UBE3B: variants seen among roughly 807,000 people sequenced by gnomAD.
UBE3B encodes the protein ubiquitin-protein ligase E3B.
A neutral mutation model predicts 132.3 loss-of-function variants in UBE3B; 80 were observed. That is an observed-to-expected ratio of 0.60 (90% CI 0.50 to 0.73). The LOEUF is 0.73. UBE3B is among the 30% of genes least tolerant of loss of function. The probability of loss-of-function intolerance (pLI) is 0.00; values close to 1 mark genes in which losing one functional copy is unlikely to be tolerated. For synonymous variants in UBE3B, 487 were observed against 520.4 expected, an observed-to-expected ratio of 0.94 and a Z score of 0.87; for missense variants, 1,196 against 1,362.5, an observed-to-expected ratio of 0.88 and a Z score of 1.92.
Position 109,486,425 on chromosome 12 carries a change from T to A in UBE3B, c.343-46T>A, listed in dbSNP as rs770015961. 3 of 1,462,270 alleles carry A rather than the reference T, an allele frequency of 2.1e-6. No homozygotes were observed. The East Asian group carries it at 6.8e-5, about 33-fold the overall frequency. The allele number at this position is 1,462,270 out of a possible 1,614,324, so 90.6% of individuals were successfully genotyped here. On this transcript the variant is annotated intron_variant, in intron 5 of 27. Transcript: ENST00000342494. ...TCCAACAGTTAGAGCACAAGTGATA[T>A]GATCTCTATAACAGCCCATGACATT... is the stretch of plus-strand genomic sequence containing the variant.
chr12:109,504,821 T>C (rs946757582), intron 14 of UBE3B, among the ~76,000 whole-genome samples: 4 of 147,952 alleles, frequency 2.7e-5, no homozygotes, highest in South Asian at 2.1e-4. Context: ...TTTTTTTTTT[T>C]CGAGACGGAG....
chr12:109,509,599 C>A lies in UBE3B; in HGVS notation c.1626C>A (p.Ile542=). 1 of 1,591,680 alleles carries A rather than the reference C, an allele frequency of 6.3e-7. No homozygotes were observed. The highest frequency in any genetic ancestry group is 1.2e-5 in the South Asian group (1 of 86,486). The change falls in exon 16 of 28, where the codon ATC becomes ATA. Residue 542 remains isoleucine, a synonymous_variant. Coordinates refer to ENST00000342494, the MANE Select transcript of UBE3B (RefSeq NM_130466.4). ...FCDCSRHLIT[I]LDDIEVYEEQ... The stretch of plus-strand genomic sequence containing the variant: ...GGTAATTTTCTCTCTGATTTAGAAT[C>A]CTTGATGACATTGAAGTTTATGAAG...
Position 109,521,587 on chromosome 12 carries a change from A to G in UBE3B, c.2364+36A>G, listed in dbSNP as rs1937957273. 2 of 1,508,988 alleles carry G rather than the reference A, an allele frequency of 1.3e-6. No individual in the cohort carries two copies. The highest frequency in any genetic ancestry group is 2.8e-5 in the African/African-American group (2 of 71,762). 93.5% of individuals were successfully genotyped at this position (1,508,988 alleles called of 1,614,324 possible). A position where few individuals can be genotyped will look rare whatever the true frequency, so the allele number is the denominator to read the frequency against. On this transcript the variant is annotated intron_variant, in intron 21 of 27. Coordinates refer to ENST00000342494, the MANE Select transcript of UBE3B (RefSeq NM_130466.4). This position sits in a 1 kb window ranked among gnomAD's most constrained non-coding sequence, Gnocchi z 4.2. ...TAAGAAACAGAGAAATGTAAAATAA[A>G]ATGTTAACGGTACCATGGGCTTCTT...
At position 109,485,921 on chromosome 12, in the gene UBE3B, C is replaced by T. The variant is rs767705265; in HGVS notation, c.283-91C>T. 8.4e-5 allele frequency: 117 copies of T among 1,391,066 alleles called. 1 individual carries two copies. In the South Asian group the frequency reaches 1.1e-3, roughly 13 times the overall value. 86.2% of individuals were successfully genotyped at this position (1,391,066 alleles called of 1,614,324 possible). ...TGAATCACCTGGCATAATACCTGCACGTGCCAGGTACCCGCTGAAGGCTTG... is the reference window on the plus strand; with the variant it reads ...TGAATCACCTGGCATAATACCTGCATGTGCCAGGTACCCGCTGAAGGCTTG... On this transcript the variant is annotated intron_variant, in intron 4 of 27. Coordinates refer to ENST00000342494, the MANE Select transcript of UBE3B (RefSeq NM_130466.4).
At position 109,516,792 on chromosome 12, in the gene UBE3B, A is replaced by C; in HGVS notation, c.1984A>C (p.Thr662Pro). The C allele has an allele frequency of 1.2e-6, 2 of 1,614,062 alleles. No homozygotes were observed. Among genetic ancestry groups the C allele is most frequent in the South Asian group, 2.2e-5 (2 of 91,080 alleles). ...NRVLLFRTMV[T>P]KEKEKLGLVE... The stretch of plus-strand genomic sequence containing the variant: ...AGTTCTACTGTTTCGAACCATGGTT[A>C]CCAAGGAGAAGGAGAAACTGGGGCT... Residue 662 changes from threonine (T) to proline (P), a missense_variant, in exon 19 of 28, where the codon ACC becomes CCC. Physicochemically the swap from Thr to Pro is conservative, Grantham distance 38. Coordinates refer to ENST00000342494, the MANE Select transcript of UBE3B (RefSeq NM_130466.4).
intron 1 of UBE3B, among the ~76,000 whole-genome samples, chr12:109,480,493 A>C (rs1283682028): frequency 6.6e-6 from 1 of 152,092 alleles, no homozygotes; most frequent in Non-Finnish European, 1.5e-5. Flanking sequence ...TCTACAAAAA[A>C]TTTAAAAACT....
rs769390021 is a variant in UBE3B, at chr12:109,498,236, C to T, written c.823C>T (p.Leu275Phe). The stretch of plus-strand genomic sequence containing the variant: ...AACGGTCTGCTATTCTTTGCAGCGC[C>T]TCACTGTTTTAGAATCCCATGACAT... ...THLSTVTPERLTVLESHDMLR... is the reference protein window; with the variant it reads ...THLSTVTPERFTVLESHDMLR... The change falls in exon 11 of 28, where the codon CTC becomes TTC. Residue 275 changes from leucine (L) to phenylalanine (F), a missense_variant. Transcript: ENST00000342494. 1 of 1,614,036 alleles carries T rather than the reference C, an allele frequency of 6.2e-7. No homozygotes were observed. The highest frequency in any genetic ancestry group is 8.5e-7 in the Non-Finnish European group (1 of 1,179,982).
chr12:109,479,795 G>A (rs758807549), intron 1 of UBE3B, among the ~76,000 whole-genome samples: 4 of 152,206 alleles, frequency 2.6e-5, no homozygotes, highest in Non-Finnish European at 5.9e-5. Flanking sequence ...CTTATTCTGG[G>A]AGGGCCCCTG....
At chr12:109,517,922 G>A in intron 19 of UBE3B, 1 of 445,466 alleles carries the variant, frequency 2.2e-6, no homozygotes, top group Non-Finnish European at 4.6e-6. Context: ...TGGAGAGCTT[G>A]TTTGAGTGCC....
rs1181003723 is a variant in UBE3B, at chr12:109,529,989, C to T, written c.2727C>T (p.Pro909=). ...LISGFRSIIK[P]EWIRMFSTPE... ...GCGGATTCCGTTCCATTATCAAACC[C>T]GAGTGGATCCGAATGTTCTCAACTC... Residue 909 remains proline (P), a synonymous_variant, in exon 25 of 28, where the codon CCC becomes CCT. Coordinates refer to ENST00000342494, the MANE Select transcript of UBE3B (RefSeq NM_130466.4). The T allele has an allele frequency of 3.1e-6, 5 of 1,614,062 alleles. No homozygotes were observed. The highest frequency in any genetic ancestry group is 1.1e-5 in the South Asian group (1 of 91,072).
At chr12:109,514,987 C>T (rs1005684090) in intron 18 of UBE3B, among the ~76,000 whole-genome samples, 2 of 151,588 alleles carry the variant, frequency 1.3e-5, no homozygotes, top group Non-Finnish European at 2.9e-5. Flanking sequence ...GATCTCAGCT[C>T]ACTGCAAGCT....
intron 2 of UBE3B, 134 bp from the exon 3 acceptor site, chr12:109,483,397 G>T: frequency 1.2e-6 from 1 of 825,162 alleles, no homozygotes; most frequent in Non-Finnish European, 1.7e-6. Context: ...AGCTGTTAGC[G>T]CTTTGGAGGG....
chr12:109,533,509 A>T lies in UBE3B; in HGVS notation c.2966A>T (p.Tyr989Phe), dbSNP rs750397701. 1 of 1,613,832 alleles carries T rather than the reference A, an allele frequency of 6.2e-7. No homozygotes were observed. The highest frequency in any genetic ancestry group is 2.2e-5 in the East Asian group (1 of 44,842). The change falls in exon 27 of 28, where the codon TAC becomes TTC. Residue 989 changes from tyrosine to phenylalanine, a missense_variant. Transcript: ENST00000342494. ...CSRPPLLGFA[Y>F]LKPPFSIRCV... ...AGACCCCCGCTCCTGGGATTCGCCT[A>T]CCTCAAGCCTCCATTCTCCATCCGC...
intron 24 of UBE3B, 31 bp downstream of exon 24, chr12:109,526,447 C>T (rs761562452): frequency 1.2e-6 from 2 of 1,605,350 alleles, no homozygotes; most frequent in Admixed American, 1.7e-5. Context: ...TTTAAGGTCA[C>T]CACTTGAAAA....
downstream of UBE3B, among the ~76,000 whole-genome samples, chr12:109,539,313 C>T (rs145550994): frequency 2.0e-5 from 3 of 152,342 alleles, no homozygotes; most frequent in East Asian, 1.9e-4. Context: ...CCCTCTGGAG[C>T]GTGGGGTCAG....
At chr12:109,482,092 G>A (rs561716194) in intron 2 of UBE3B, among the ~76,000 whole-genome samples, 9 of 152,214 alleles carry the variant, frequency 5.9e-5, no homozygotes, top group South Asian at 2.1e-4. Flanking sequence ...ACTAATAATA[G>A]AGCACACTTA....
chr12:109,490,962 C>T (rs1237353497), intron 8 of UBE3B, 83 bp from the exon 9 acceptor site: 1 of 1,426,584 alleles, frequency 7.0e-7, no homozygotes, highest in Non-Finnish European at 9.7e-7. Flanking sequence ...ATCTGAAGCA[C>T]TCAGTTTACT....
intron 19 of UBE3B, chr12:109,517,948 T>A (rs1881266160): frequency 2.2e-6 from 1 of 447,780 alleles, no homozygotes; most frequent in African/African-American, 2.0e-5. Context: ...CCACTGGTGA[T>A]CAATGCCGAG....
the UBE3B span, among the ~76,000 whole-genome samples, chr12:109,547,297 A>G: frequency 1.3e-5 from 2 of 152,222 alleles, no homozygotes; most frequent in African/African-American, 4.8e-5. This position sits in a 1 kb window ranked among gnomAD's most constrained non-coding sequence, Gnocchi z 4.1. Flanking sequence ...ACCTGGAGCA[A>G]GTCACTTCGT....
Sources: allele counts gnomAD v4.1 joint callset (sites outside exome capture counted in the v4.1 genomes callset), GRCh38; gene constraint gnomAD v4.1.1; non-coding constraint Gnocchi (gnomAD v3.1); transcripts MANE v1.5; gene names NCBI Gene and HGNC (gene_info 2026-07-23, HGNC 2026-07-21).